Variants in KCNK17 observed in about 807,000 individuals in gnomAD.
The protein encoded by KCNK17 is potassium two pore domain channel subfamily K member 17, also known as potassium channel subfamily K member 17.
KCNK17 carries 27 observed loss-of-function variants against 24.6 expected under a neutral mutation model. That is an observed-to-expected ratio of 1.10 (90% CI 0.81 to 1.51). The LOEUF is 1.51. Among genes scored for constraint, KCNK17 ranks in the 40% most tolerant of loss-of-function variants. The pLI is 0.00. For synonymous variants in KCNK17, 181 were observed against 189.8 expected, an observed-to-expected ratio of 0.95 and a Z score of 0.38; for missense variants, 450 against 436.6, an observed-to-expected ratio of 1.03 and a Z score of -0.27.
chr6:39,307,350 T>TC (rs1303616605), intron 2 of KCNK17, among the ~76,000 whole-genome samples: 1 of 152,082 alleles, frequency 6.6e-6, no homozygotes, highest in Non-Finnish European at 1.5e-5. Flanking sequence ...CCCATCTACC[T>TC]CCCCCTCTGG....
At chr6:39,305,961 G>A (rs895514567) in intron 2 of KCNK17, among the ~76,000 whole-genome samples, 14 of 152,052 alleles carry the variant, frequency 9.2e-5, no homozygotes, top group African/African-American at 3.4e-4. Flanking sequence ...CCCTTGCACT[G>A]TGTGAGAAAG....
intron 1 of KCNK17, among the ~76,000 whole-genome samples, chr6:39,312,676 C>T (rs1279331172): frequency 6.6e-6 from 1 of 152,202 alleles, no homozygotes; most frequent in Non-Finnish European, 1.5e-5. Flanking sequence ...AGCAACAGTG[C>T]TTGGCACACG....
chr6:39,305,003 G>A (rs1762011220), intron 2 of KCNK17, among the ~76,000 whole-genome samples: 1 of 152,224 alleles, frequency 6.6e-6, no homozygotes. Flanking sequence ...TGGATGGGCA[G>A]ATGGATGCTG....
At chr6:39,313,971 G>A in intron 1 of KCNK17, 113 bp downstream of exon 1, 2 of 809,774 alleles carry the variant, frequency 2.5e-6, no homozygotes, top group East Asian at 6.3e-5. Context: ...ACGTTTCCCT[G>A]AACAGGAAAC....
chr6:39,303,130 G>A (rs1247742036), intron 4 of KCNK17, among the ~76,000 whole-genome samples: 2 of 152,196 alleles, frequency 1.3e-5, no homozygotes, highest in African/African-American at 4.8e-5. Context: ...GTTGCCTGAG[G>A]AGTTAGCTGA....
At chr6:39,304,253 T>C in intron 3 of KCNK17, 122 bp from the exon 4 acceptor site, 1 of 982,842 alleles carries the variant, frequency 1.0e-6, no homozygotes, top group South Asian at 1.6e-5. Context: ...CTGGTCTGTG[T>C]TCTCCAGGTT....
At chr6:39,304,836 A>G (rs1379273316) in intron 2 of KCNK17, among the ~76,000 whole-genome samples, 181 bp from the exon 3 acceptor site, 3 of 152,226 alleles carry the variant, frequency 2.0e-5, no homozygotes, top group Non-Finnish European at 4.4e-5. Context: ...CACCCTGTAC[A>G]TTCATTCCCT....
In KCNK17 at chr6:39,314,145, T is replaced by G. The variant is rs1762218488; in HGVS notation, c.176A>C (p.Lys59Thr). 1 of 1,588,732 alleles carries G rather than the reference T, an allele frequency of 6.3e-7. No homozygotes were observed. Among genetic ancestry groups the G allele is most frequent in the Admixed American group, 1.7e-5 (1 of 57,758 alleles). Residue 59 changes from lysine to threonine, a missense_variant, in exon 1 of 5, where the codon AAG (lysine) becomes ACG (threonine). Transcript: ENST00000373231. ...CGTGAAGTTCTGCAACAGCTCCCAC[T>G]TGTCGCGCTGGAAGCTGCGGCTGGA... is the stretch of plus-strand genomic sequence containing the variant. Reference protein sequence around the residue: ...QDSSRSFQRDKWELLQNFTCL... With the variant: ...QDSSRSFQRDTWELLQNFTCL...
intron 4 of KCNK17, 51 bp downstream of exon 4, chr6:39,303,906 A>G: frequency 1.3e-6 from 2 of 1,579,208 alleles, no homozygotes; most frequent in Non-Finnish European, 8.6e-7. Context: ...GATGAGTGAG[A>G]GGTATAGGCA....
At chr6:39,303,696 G>A (rs909816202) in intron 4 of KCNK17, among the ~76,000 whole-genome samples, 1 of 152,168 alleles carries the variant, frequency 6.6e-6, no homozygotes, top group Admixed American at 6.5e-5. Context: ...GGAGGGAGGC[G>A]GGGACTCCCG....
chr6:39,299,782 G>A, intron 4 of KCNK17, 45 bp from the exon 5 acceptor site: 1 of 1,577,130 alleles, frequency 6.3e-7, no homozygotes, highest in Non-Finnish European at 8.6e-7. Flanking sequence ...GGGAAAGTCA[G>A]GACCACATTC....
chr6:39,313,773 A>G (rs1396396012), intron 1 of KCNK17, among the ~76,000 whole-genome samples: 1 of 151,718 alleles, frequency 6.6e-6, no homozygotes. Context: ...CTCGCCCCCA[A>G]ATTTGGATGT....
intron 2 of KCNK17, 135 bp from the exon 3 acceptor site, chr6:39,304,790 A>C: frequency 1.1e-6 from 1 of 903,448 alleles, no homozygotes; most frequent in Non-Finnish European, 1.7e-6. Context: ...GATACTTACC[A>C]AGGCCCTCCT....
chr6:39,309,443 C>T (rs1157664087), intron 2 of KCNK17, among the ~76,000 whole-genome samples: 1 of 152,198 alleles, frequency 6.6e-6, no homozygotes, highest in East Asian at 1.9e-4. Context: ...TCGGGTGTTT[C>T]CTCAGGTGTA....
chr6:39,311,271 T>C (rs1762135073), intron 1 of KCNK17, among the ~76,000 whole-genome samples: 1 of 152,142 alleles, frequency 6.6e-6, no homozygotes, highest in South Asian at 2.1e-4. Context: ...ACCCAGTGGC[T>C]AGGTCAGGTT....
intron 2 of KCNK17, among the ~76,000 whole-genome samples, chr6:39,309,967 T>C (rs1489088965): frequency 2.6e-5 from 4 of 152,202 alleles, no homozygotes; most frequent in Admixed American, 1.3e-4. Flanking sequence ...CAAGAAGTTC[T>C]GGCCAATTTA....
chr6:39,306,682 T>C (rs914267721), intron 2 of KCNK17, among the ~76,000 whole-genome samples: 1 of 151,956 alleles, frequency 6.6e-6, no homozygotes, highest in Non-Finnish European at 1.5e-5. Flanking sequence ...CTTTGGAGTC[T>C]GCTGCACCTC....
At chr6:39,308,753 C>T (rs1762078351) in intron 2 of KCNK17, among the ~76,000 whole-genome samples, 2 of 152,216 alleles carry the variant, frequency 1.3e-5, no homozygotes, top group Admixed American at 1.3e-4. Context: ...GGGTGCTGGT[C>T]CCAGGGTAAT....
intron 3 of KCNK17, 24 bp from the exon 4 acceptor site, chr6:39,304,155 G>T: frequency 6.3e-7 from 1 of 1,597,366 alleles, no homozygotes; most frequent in Non-Finnish European, 8.5e-7. Context: ...ATTGTCCCCA[G>T]GCCTCCTGAG....
Sources: gnomAD v4.1 joint callset for allele counts (sites outside exome capture counted in the v4.1 genomes callset) on GRCh38, gnomAD v4.1.1 for gene constraint, MANE v1.5 for transcripts, NCBI Gene and HGNC (gene_info 2026-07-23, HGNC 2026-07-21) for gene names.